RXRG: variants seen among roughly 807,000 people sequenced by gnomAD.
RXRG encodes the protein retinoic acid receptor RXR-gamma.
RXRG carries 19 observed loss-of-function variants against 49.2 expected under a neutral mutation model. The observed-to-expected ratio is 0.39, with a 90% confidence interval of 0.27 to 0.57. The LOEUF (loss-of-function observed/expected upper bound fraction) is 0.57, where lower values mean the gene tolerates loss of function less well. Ranked by LOEUF, RXRG falls within the 20% of genes least tolerant of loss-of-function variation. RXRG has a pLI of 0.64. For synonymous variants in RXRG, 224 were observed against 216.6 expected, an observed-to-expected ratio of 1.03 and a Z score of -0.30; for missense variants, 452 against 592.5, an observed-to-expected ratio of 0.76 and a Z score of 2.46.
At position 165,428,121 on chromosome 1, in the gene RXRG, AG is replaced by A. The variant is rs11348665; in HGVS notation, c.297+597del. Among the ~76,000 whole-genome samples the A allele has an allele frequency of 9.3e-3, 1,418 of 152,324 alleles. 27 individuals carry two copies. The highest frequency in any genetic ancestry group is 0.04 in the South Asian group (193 of 4,828). On this transcript the variant is annotated intron_variant, in intron 2 of 9. Transcript: ENST00000359842. The stretch of plus-strand genomic sequence containing the variant: ...TCTGGCCATCCTATAGGCTCTGCAG[AG>A]TAGCAATCTAGCATGCACCATGCAC...
At chr1:165,422,878 C>T (rs1162528012) in intron 2 of RXRG, among the ~76,000 whole-genome samples, 2 of 152,216 alleles carry the variant, frequency 1.3e-5, no homozygotes, top group Non-Finnish European at 1.5e-5. Flanking sequence ...CCCCAAGATC[C>T]TGGATCTCAG....
At chr1:165,425,851 C>T (rs1001972943) in intron 2 of RXRG, among the ~76,000 whole-genome samples, 2 of 152,250 alleles carry the variant, frequency 1.3e-5, no homozygotes, top group African/African-American at 4.8e-5. Context: ...GTGGCCACCT[C>T]TCCCACAAGA....
At chr1:165,403,158 T>C (rs1393725245) in intron 9 of RXRG, among the ~76,000 whole-genome samples, 2 of 152,256 alleles carry the variant, frequency 1.3e-5, no homozygotes, top group African/African-American at 2.4e-5. Context: ...CCCATCTGCA[T>C]GTCCTTTCGG....
chr1:165,433,848 T>C (rs996976140), intron 1 of RXRG, among the ~76,000 whole-genome samples: 21 of 152,184 alleles, frequency 1.4e-4, no homozygotes, highest in Middle Eastern at 3.2e-3. Flanking sequence ...GGCATTCCAA[T>C]TAAAGGTGCT....
At chr1:165,422,729 A>C (rs773920219) in intron 2 of RXRG, among the ~76,000 whole-genome samples, 2 of 152,232 alleles carry the variant, frequency 1.3e-5, no homozygotes, top group Non-Finnish European at 2.9e-5. Flanking sequence ...GGAGCAGAGA[A>C]ATAATTACCT....
chr1:165,442,087 G>C (rs1659025131), intron 1 of RXRG, among the ~76,000 whole-genome samples: 1 of 152,194 alleles, frequency 6.6e-6, no homozygotes, highest in Admixed American at 6.5e-5. Context: ...GTAATTCCAT[G>C]TGCTAATATG....
At position 165,417,227 on chromosome 1, in the gene RXRG, A is replaced by G; in HGVS notation, c.443-7T>C. 6.3e-7 allele frequency: 1 copy of G among 1,595,980 alleles called. No individual in the cohort carries two copies. Among genetic ancestry groups the G allele is most frequent in the Non-Finnish European group, 8.6e-7 (1 of 1,169,388 alleles). ...TATACCCCGTAGTGCTTTCCTGGTTAGAAGAAAAGAACATTCCATAGATTG... is the reference window on the plus strand; with the variant it reads ...TATACCCCGTAGTGCTTTCCTGGTTGGAAGAAAAGAACATTCCATAGATTG... On this transcript the variant is annotated splice_polypyrimidine_tract_variant and splice_region_variant and intron_variant, in intron 3 of 9. Transcript: ENST00000359842.
intron 4 of RXRG, among the ~76,000 whole-genome samples, chr1:165,414,860 A>G (rs1274497948): frequency 4.6e-5 from 7 of 152,246 alleles, no homozygotes; most frequent in African/African-American, 1.7e-4. Flanking sequence ...CAATGAATAA[A>G]TGAATGAGTC....
chr1:165,428,596 A>G, intron 2 of RXRG, 123 bp downstream of exon 2: 1 of 1,153,752 alleles, frequency 8.7e-7, no homozygotes, highest in Non-Finnish European at 1.2e-6. Context: ...GTCTGCAGAG[A>G]CCATTCAAAC....
chr1:165,429,095 A>G, intron 1 of RXRG, 129 bp from the exon 2 acceptor site: 1 of 990,924 alleles, frequency 1.0e-6, no homozygotes, highest in South Asian at 1.6e-5. Context: ...CACACCTGTA[A>G]GCCCTAGGTG....
At chr1:165,437,031 T>C in intron 1 of RXRG, 8 of 1,235,920 alleles carry the variant, frequency 6.5e-6, no homozygotes, top group Non-Finnish European at 8.4e-6. Context: ...CTAGGCTGGT[T>C]GCCTGGGTTT....
At chr1:165,413,481 G>C (rs1658018884) in intron 4 of RXRG, among the ~76,000 whole-genome samples, 1 of 152,004 alleles carries the variant, frequency 6.6e-6, no homozygotes, top group African/African-American at 2.4e-5. Context: ...GAGGGCATGT[G>C]GTAGGCCATG....
chr1:165,429,110 C>A, intron 1 of RXRG, 144 bp from the exon 2 acceptor site: 1 of 811,170 alleles, frequency 1.2e-6, no homozygotes, highest in East Asian at 2.6e-5. Flanking sequence ...TAGGTGCTCT[C>A]ACCTACACTA....
At chr1:165,442,651 T>A (rs115139839) in intron 1 of RXRG, among the ~76,000 whole-genome samples, 2 of 152,242 alleles carry the variant, frequency 1.3e-5, no homozygotes, top group Non-Finnish European at 2.9e-5. Flanking sequence ...AATGTCTGAT[T>A]TTTAACTATT....
chr1:165,439,458 G>T (rs1433773071), intron 1 of RXRG, among the ~76,000 whole-genome samples: 1 of 152,218 alleles, frequency 6.6e-6, no homozygotes, highest in Non-Finnish European at 1.5e-5. Flanking sequence ...GCCCTGTGCG[G>T]CTTCGAAAGG....
intron 2 of RXRG, among the ~76,000 whole-genome samples, chr1:165,423,791 T>A (rs1448904810): frequency 6.6e-6 from 1 of 152,184 alleles, no homozygotes; most frequent in Non-Finnish European, 1.5e-5. Context: ...ATATCAGGCT[T>A]CCAACTATGC....
At chr1:165,418,131 AAAAAAAG>A (rs1370634632) in intron 3 of RXRG, among the ~76,000 whole-genome samples, 1 of 151,328 alleles carries the variant, frequency 6.6e-6, no homozygotes, top group African/African-American at 2.4e-5. Context: ...AAAAAAAAAA[AAAAAAAG>A]AAGGTGATTT....
chr1:165,417,245 A>T (rs1262231593), intron 3 of RXRG, 25 bp from the exon 4 acceptor site: 3 of 1,575,644 alleles, frequency 1.9e-6, no homozygotes, highest in Non-Finnish European at 2.6e-6. Context: ...AGAACATTCC[A>T]TAGATTGTTC....
chr1:165,408,983 T>C (rs1376157473), intron 7 of RXRG, among the ~76,000 whole-genome samples: 1 of 152,176 alleles, frequency 6.6e-6, no homozygotes, highest in Non-Finnish European at 1.5e-5. Context: ...TTTATTCAAC[T>C]CCTTATCAGA....
Sources: gnomAD v4.1 joint callset for allele counts (sites outside exome capture counted in the v4.1 genomes callset) on GRCh38, gnomAD v4.1.1 for gene constraint, MANE v1.5 for transcripts, NCBI Gene and HGNC (gene_info 2026-07-23, HGNC 2026-07-21) for gene names.